The following RAPGEF4 variants were observed in gnomAD, a reference collection of about 807,000 sequenced individuals.
RAPGEF4 encodes the protein Rap guanine nucleotide exchange factor 4, also known as RAP guanine-nucleotide-exchange factor (GEF) 4.
Under a neutral mutation model 147.9 loss-of-function variants are expected in RAPGEF4, and 66 were observed. That is an observed-to-expected ratio of 0.45 (90% CI 0.37 to 0.55). The LOEUF (loss-of-function observed/expected upper bound fraction) is 0.55, where lower values mean the gene tolerates loss of function less well. RAPGEF4 is among the 20% of genes least tolerant of loss of function. The pLI, the probability that RAPGEF4 is intolerant of heterozygous loss-of-function variation, is 0.00. For synonymous variants in RAPGEF4, 419 were observed against 442.7 expected (o/e 0.95, Z 0.67); for missense variants, 1,071 against 1,257.3 (o/e 0.85, Z 2.24).
In RAPGEF4 at chr2:173,016,386, T is replaced by C. The variant is rs2105897179; in HGVS notation, c.1847T>C (p.Ile616Thr). The change falls in exon 19 of 31, where the codon ATT becomes ACT. Residue 616 changes from isoleucine (I) to threonine (T), a missense_variant. Physicochemically the swap from Ile to Thr is moderately conservative, Grantham distance 89 (BLOSUM62 -1). Coordinates refer to ENST00000397081, the MANE Select transcript of RAPGEF4 (RefSeq NM_007023.4). Reference protein sequence around the residue: ...YVSVSDDARMIAALKEQLPEL... With the variant: ...YVSVSDDARMTAALKEQLPEL... The stretch of plus-strand genomic sequence containing the variant: ...TCTGTATCAGATGATGCCCGGATGA[T>C]TGCTGCCCTCAAGGAGCAACTGCCA... The C allele has an allele frequency of 6.2e-7, 1 of 1,613,974 alleles. No individual in the cohort carries two copies. The highest frequency in any genetic ancestry group is 1.1e-5 in the South Asian group (1 of 91,080).
intron 4 of RAPGEF4, among the ~76,000 whole-genome samples, chr2:172,841,023 T>A (rs1208865025): frequency 1.3e-5 from 2 of 152,230 alleles, no homozygotes; most frequent in African/African-American, 4.8e-5. Flanking sequence ...TGTCCAAAAC[T>A]ATTTTGAGAT....
intron 6 of RAPGEF4, among the ~76,000 whole-genome samples, chr2:172,931,581 G>A (rs944868265): frequency 6.6e-6 from 1 of 152,130 alleles, no homozygotes. Flanking sequence ...TAATTTGATA[G>A]CCCAATCCCA....
intron 12 of RAPGEF4, among the ~76,000 whole-genome samples, chr2:172,987,989 G>A (rs1169235299): frequency 6.6e-6 from 1 of 152,218 alleles, no homozygotes; most frequent in Non-Finnish European, 1.5e-5. Flanking sequence ...TTAGGGCATA[G>A]CAAGGAATGC....
intron 4 of RAPGEF4, among the ~76,000 whole-genome samples, chr2:172,838,379 C>A (rs1338450777): frequency 6.6e-6 from 1 of 151,964 alleles, no homozygotes; most frequent in Non-Finnish European, 1.5e-5. Flanking sequence ...GGGAAATCCG[C>A]CTTTGTTATC....
At chr2:173,020,518 C>A in intron 22 of RAPGEF4, 100 bp from the exon 23 acceptor site, 1 of 926,908 alleles carries the variant, frequency 1.1e-6, no homozygotes, top group South Asian at 1.3e-5. Context: ...TCTGCGTGTT[C>A]CGGTAATTCA....
intron 6 of RAPGEF4, among the ~76,000 whole-genome samples, chr2:172,929,454 T>C (rs1402147178): frequency 1.3e-5 from 2 of 152,202 alleles, no homozygotes; most frequent in Non-Finnish European, 2.9e-5. Flanking sequence ...TGTATAAATA[T>C]GTATATAGCA....
chr2:172,836,889 C>A (rs552514174), intron 4 of RAPGEF4, among the ~76,000 whole-genome samples: 11 of 152,242 alleles, frequency 7.2e-5, no homozygotes, highest in Admixed American at 2.6e-4. Context: ...TGATTTCTGG[C>A]AATTGAGAAA....
chr2:172,737,090 GA>G (rs1199238731), intron 1 of RAPGEF4, among the ~76,000 whole-genome samples: 1 of 152,172 alleles, frequency 6.6e-6, no homozygotes, highest in Non-Finnish European at 1.5e-5. Flanking sequence ...GGCCTTTGTT[GA>G]AAAATATTAA....
At chr2:173,017,275 C>T (rs1695591790) in intron 20 of RAPGEF4, 71 bp downstream of exon 20, 1 of 1,529,686 alleles carries the variant, frequency 6.5e-7, no homozygotes, top group African/African-American at 1.4e-5. Context: ...TATTATATTG[C>T]AGTATACATA....
chr2:172,956,671 C>T (rs149030747), intron 6 of RAPGEF4, among the ~76,000 whole-genome samples: 36 of 152,128 alleles, frequency 2.4e-4, no homozygotes, highest in African/African-American at 7.9e-4. Flanking sequence ...GGGGTTTCAC[C>T]GTGTTACCCA....
Position 173,018,811 on chromosome 2 carries a change from C to G in RAPGEF4, c.2155+9C>G. On this transcript the variant is annotated intron_variant, in intron 22 of 30. Coordinates refer to ENST00000397081, the MANE Select transcript of RAPGEF4 (RefSeq NM_007023.4). ...GATGAGTTCCGGAGGAGGTAACAGT[C>G]TTAATTCATATTTTAGGCTCTGCAA... 1.2e-6 allele frequency: 2 copies of G among 1,611,920 alleles called. No individual in the cohort carries two copies. Among genetic ancestry groups the G allele is most frequent in the Non-Finnish European group, 1.7e-6 (2 of 1,179,080 alleles).
chr2:172,963,791 C>T (rs1290621057), intron 8 of RAPGEF4, among the ~76,000 whole-genome samples: 2 of 152,134 alleles, frequency 1.3e-5, no homozygotes, highest in African/African-American at 2.4e-5. Context: ...TATATTATTG[C>T]CACAGTATTC....
intron 6 of RAPGEF4, among the ~76,000 whole-genome samples, chr2:172,924,195 C>T (rs188825198): frequency 4.6e-5 from 7 of 152,306 alleles, no homozygotes; most frequent in African/African-American, 1.2e-4. Flanking sequence ...AATGTCCAAG[C>T]CCTGGGAGGG....
rs112424255 is a variant in RAPGEF4, at chr2:173,043,565, G to A, written c.2854-5035G>A. 5.0e-3 allele frequency among the ~76,000 whole-genome samples: 765 copies of A among 152,342 alleles called. 7 individuals carry two copies. The highest frequency in any genetic ancestry group is 0.017 in the African/African-American group (699 of 41,584). On this transcript the variant is annotated intron_variant, in intron 29 of 30. Transcript: ENST00000397081. Reference sequence around the variant, plus strand: ...TCTTCCGCAGTGGGAGAGCAAAGGGGGAACTTGGACTAGGGCACAAGAGTC... The same window carrying A: ...TCTTCCGCAGTGGGAGAGCAAAGGGAGAACTTGGACTAGGGCACAAGAGTC...
intron 3 of RAPGEF4, among the ~76,000 whole-genome samples, chr2:172,806,015 C>CTGTGTGTG (rs36226317): frequency 6.9e-6 from 1 of 145,324 alleles, no homozygotes; most frequent in African/African-American, 2.6e-5. Flanking sequence ...TATTATCCGG[C>CTGTGTGTG]TGTGTGTGTG....
chr2:172,797,673 A>G (rs1320018538), intron 3 of RAPGEF4, 60 bp downstream of exon 3: 5 of 1,236,540 alleles, frequency 4.0e-6, no homozygotes, highest in African/African-American at 1.5e-5. Flanking sequence ...TATTATCCCT[A>G]TGTCTTTTAT....
At chr2:172,851,932 G>T (rs1189264606) in intron 4 of RAPGEF4, among the ~76,000 whole-genome samples, 1 of 152,088 alleles carries the variant, frequency 6.6e-6, no homozygotes, top group Non-Finnish European at 1.5e-5. Context: ...GAACAAACTT[G>T]TACATGTACC....
intron 4 of RAPGEF4, among the ~76,000 whole-genome samples, chr2:172,873,083 G>T (rs1464953455): frequency 6.6e-6 from 1 of 152,152 alleles, no homozygotes; most frequent in African/African-American, 2.4e-5. Context: ...TGCAACTTTG[G>T]AGGACAGAGT....
chr2:172,939,965 A>G (rs766236648), intron 6 of RAPGEF4, among the ~76,000 whole-genome samples: 11 of 152,170 alleles, frequency 7.2e-5, no homozygotes, highest in Admixed American at 2.6e-4. Context: ...TGGACTTCAC[A>G]TTCTGTTCCA....
Sources: gnomAD v4.1 joint callset for allele counts (sites outside exome capture counted in the v4.1 genomes callset) on GRCh38, gnomAD v4.1.1 for gene constraint, MANE v1.5 for transcripts, NCBI Gene and HGNC (gene_info 2026-07-23, HGNC 2026-07-21) for gene names.